DCC: variants seen among roughly 807,000 people sequenced by gnomAD.
The protein encoded by DCC is DCC netrin 1 receptor.
DCC carries 58 observed loss-of-function variants against 172.5 expected under a neutral mutation model. The observed-to-expected ratio is 0.34, with a 90% CI of 0.27 to 0.42. DCC has a LOEUF of 0.42. Among genes scored for constraint, DCC ranks in the 10% least tolerant of loss-of-function variants. DCC has a pLI of 1.00. For synonymous variants in DCC, 709 were observed against 644.5 expected (o/e 1.10, Z -1.52); for missense variants, 1,740 against 1,791.0 (o/e 0.97, Z 0.51).
At chr18:53,225,219 T>G (rs2056007514) in intron 12 of DCC, among the ~76,000 whole-genome samples, 1 of 151,890 alleles carries the variant, frequency 6.6e-6, no homozygotes, top group East Asian at 1.9e-4. Flanking sequence ...TTAAGTAGAG[T>G]GACTATAGAT....
intron 1 of DCC, among the ~76,000 whole-genome samples, chr18:52,655,956 ATGTGTGTGTGTGTG>A (rs58903211): frequency 7.4e-6 from 1 of 135,402 alleles, no homozygotes; most frequent in African/African-American, 2.8e-5. Context: ...TTAAATATAT[ATGTGTGTGTGTGTG>A]TGTGTGTGTG....
At chr18:53,497,706 G>C (rs2046042172) in intron 26 of DCC, among the ~76,000 whole-genome samples, 2 of 152,178 alleles carry the variant, frequency 1.3e-5, no homozygotes, top group Non-Finnish European at 2.9e-5. Context: ...TTAGTGCCTT[G>C]TATAACACCT....
chr18:52,649,797 A>G (rs2035092985), intron 1 of DCC, among the ~76,000 whole-genome samples: 1 of 152,184 alleles, frequency 6.6e-6, no homozygotes, highest in Admixed American at 6.5e-5. Context: ...AATGTGGTAC[A>G]CATATATTAA....
At chr18:52,716,593 A>G (rs1400176186) in intron 1 of DCC, among the ~76,000 whole-genome samples, 1 of 152,204 alleles carries the variant, frequency 6.6e-6, no homozygotes, top group East Asian at 1.9e-4. Context: ...TAAGAACACC[A>G]TACAATTACC....
At position 53,051,053 on chromosome 18, in the gene DCC, A is replaced by T. The variant is rs1467007843; in HGVS notation, c.986-12252A>T. On this transcript the variant is annotated intron_variant, in intron 5 of 28. Coordinates refer to ENST00000442544, the MANE Select transcript of DCC (RefSeq NM_005215.4). ...AAGACAAACTTGTGCAACATAGTAGATGCCATCTCTAAAACAAAATAAATA... is the reference window on the plus strand; with the variant it reads ...AAGACAAACTTGTGCAACATAGTAGTTGCCATCTCTAAAACAAAATAAATA... Among the ~76,000 whole-genome samples, 5 of 152,068 alleles carry T rather than the reference A, an allele frequency of 3.3e-5. No homozygotes were observed. In the East Asian group the frequency reaches 9.7e-4, roughly 30 times the overall value.
At chr18:53,277,259 C>T (rs545548730) in intron 12 of DCC, among the ~76,000 whole-genome samples, 3 of 152,258 alleles carry the variant, frequency 2.0e-5, no homozygotes, top group African/African-American at 7.2e-5. Context: ...CACCTGAGGT[C>T]AGGAGTTCAA....
chr18:52,859,593 T>C (rs1449805790), intron 2 of DCC, among the ~76,000 whole-genome samples: 1 of 152,126 alleles, frequency 6.6e-6, no homozygotes, highest in African/African-American at 2.4e-5. Context: ...AGATGGTGAA[T>C]GTTTCTTTAA....
At chr18:53,461,354 C>T (rs1331411091) in intron 24 of DCC, among the ~76,000 whole-genome samples, 1 of 151,786 alleles carries the variant, frequency 6.6e-6, no homozygotes, top group African/African-American at 2.4e-5. Flanking sequence ...GAAGTCCTTG[C>T]CCATGCCTAT....
At chr18:52,789,039 CAA>C (rs138603450) in intron 2 of DCC, among the ~76,000 whole-genome samples, 6,550 of 152,122 alleles carry the variant, frequency 0.043, 219 homozygotes, top group South Asian at 0.16. Flanking sequence ...TTCAAAAGTG[CAA>C]AGAGTTAACT....
intron 1 of DCC, among the ~76,000 whole-genome samples, chr18:52,375,146 C>T (rs913480186): frequency 2.6e-5 from 4 of 152,022 alleles, no homozygotes; most frequent in Non-Finnish European, 5.9e-5. Context: ...AAAAATAAAC[C>T]CAGATTTTTA....
At position 52,859,315 on chromosome 18, in the gene DCC, C is replaced by T. The variant is rs118112453; in HGVS notation, c.413-46729C>T. Among the ~76,000 whole-genome samples the T allele has an allele frequency of 7.6e-3, 1,153 of 152,184 alleles. 7 individuals are homozygous for T. The highest frequency in any genetic ancestry group is 0.012 in the Non-Finnish European group (797 of 68,006). ...CAGGGGAAGACTTTCTCTTCACCTT[C>T]TGAAGTTTCACTGAGAAATCAACTG... is the stretch of plus-strand genomic sequence containing the variant. On this transcript the variant is annotated intron_variant, in intron 2 of 28. Coordinates refer to ENST00000442544, the MANE Select transcript of DCC (RefSeq NM_005215.4).
intron 5 of DCC, among the ~76,000 whole-genome samples, chr18:52,938,582 A>T (rs530214409): frequency 3.3e-5 from 5 of 152,278 alleles, no homozygotes; most frequent in African/African-American, 1.2e-4. Flanking sequence ...CAACATTGTA[A>T]GTTATTAAGA....
At chr18:53,299,305 T>C (rs1254665855) in intron 12 of DCC, among the ~76,000 whole-genome samples, 1 of 152,172 alleles carries the variant, frequency 6.6e-6, no homozygotes, top group Non-Finnish European at 1.5e-5. Flanking sequence ...TTCTCTCTCT[T>C]TTGCATGGTC....
chr18:53,332,931 G>A (rs1490219624), intron 14 of DCC, among the ~76,000 whole-genome samples: 1 of 152,162 alleles, frequency 6.6e-6, no homozygotes. Flanking sequence ...TTAGCCAAGT[G>A]TGGTGGTGCA....
chr18:53,120,644 A>G lies in DCC; in HGVS notation c.1262-36712A>G, dbSNP rs982181064. ...ATAATGAATGTTGGAATGTTATTAT[A>G]GAATAAAGCCACAAGCTATGATATA... On this transcript the variant is annotated intron_variant, in intron 7 of 28. Transcript: ENST00000442544. Among the ~76,000 whole-genome samples, 61 of 151,860 alleles carry G rather than the reference A, an allele frequency of 4.0e-4. 2 individuals are homozygous for G.
chr18:52,828,135 GC>G (rs1284901464), intron 2 of DCC, among the ~76,000 whole-genome samples: 2 of 152,002 alleles, frequency 1.3e-5, no homozygotes, highest in Non-Finnish European at 2.9e-5. Context: ...TGTTTTAGTA[GC>G]CATGTTACTC....
At chr18:52,573,653 T>C (rs747231022) in intron 1 of DCC, among the ~76,000 whole-genome samples, 1 of 152,200 alleles carries the variant, frequency 6.6e-6, no homozygotes, top group Non-Finnish European at 1.5e-5. Context: ...TGTCTCTTTC[T>C]ATTTCACTGG....
intron 1 of DCC, among the ~76,000 whole-genome samples, chr18:52,444,057 C>T (rs1568173111): frequency 6.6e-6 from 1 of 152,248 alleles, no homozygotes; most frequent in South Asian, 2.1e-4. Context: ...ATTTCTGTCT[C>T]AAGAACCTGG....
At chr18:52,434,443 C>T (rs1381959505) in intron 1 of DCC, among the ~76,000 whole-genome samples, 1 of 152,106 alleles carries the variant, frequency 6.6e-6, no homozygotes, top group African/African-American at 2.4e-5. Context: ...TTGAGAAACC[C>T]TGATTGAGAT....
Sources: allele counts gnomAD v4.1 joint callset (sites outside exome capture counted in the v4.1 genomes callset), GRCh38; gene constraint gnomAD v4.1.1; transcripts MANE v1.5; gene names NCBI Gene and HGNC (gene_info 2026-07-23, HGNC 2026-07-21).